ADGRA3: variants seen among roughly 807,000 people sequenced by gnomAD.
ADGRA3 encodes the protein G-protein coupled receptor 125.
ADGRA3 carries 56 observed loss-of-function variants against 119.8 expected under a neutral mutation model. The ratio of observed to expected loss-of-function variants is 0.47; its 90% CI spans 0.38 to 0.58. The LOEUF (loss-of-function observed/expected upper bound fraction) is 0.58, where lower values mean the gene tolerates loss of function less well. Ranked by LOEUF, ADGRA3 falls within the 20% of genes least tolerant of loss-of-function variation. The pLI is 0.00. For missense variants in ADGRA3, 1,516 were observed against 1,649.0 expected (o/e 0.92, Z 1.40); for synonymous variants, 607 against 623.8 (o/e 0.97, Z 0.40).
intron 1 of ADGRA3, among the ~76,000 whole-genome samples, chr4:22,496,244 C>T (rs1327522774): frequency 6.6e-6 from 1 of 152,100 alleles, no homozygotes; most frequent in African/African-American, 2.4e-5. Context: ...TGGAGTTGGG[C>T]TGACTCGGCT....
At chr4:22,465,465 G>A (rs989686025) in intron 2 of ADGRA3, among the ~76,000 whole-genome samples, 6 of 152,260 alleles carry the variant, frequency 3.9e-5, no homozygotes, top group East Asian at 1.9e-4. Context: ...AGCTGCTAAC[G>A]GCCCTGTTGC....
intron 1 of ADGRA3, chr4:22,515,317 A>T: frequency 2.2e-6 from 1 of 460,522 alleles, no homozygotes; most frequent in Non-Finnish European, 3.6e-6. Context: ...TTTGCAAACT[A>T]GTGGAGCTGG....
chr4:22,511,993 T>TCACCCAGGC (rs1719466274), intron 1 of ADGRA3, among the ~76,000 whole-genome samples: 1 of 136,746 alleles, frequency 7.3e-6, no homozygotes, highest in Non-Finnish European at 1.5e-5. Flanking sequence ...GCCTCCCGGG[T>TCACCCAGGC]TCAAGCGATT....
At chr4:22,446,947 A>G (rs1187468976) in intron 5 of ADGRA3, among the ~76,000 whole-genome samples, 1 of 152,192 alleles carries the variant, frequency 6.6e-6, no homozygotes, top group Non-Finnish European at 1.5e-5. Context: ...AAGAAACTGT[A>G]AATCAGAACT....
chr4:22,508,816 T>C (rs910715291), intron 1 of ADGRA3, among the ~76,000 whole-genome samples: 1 of 152,146 alleles, frequency 6.6e-6, no homozygotes, highest in Non-Finnish European at 1.5e-5. Context: ...CCTGCTGACT[T>C]TTCTGCAATC....
chr4:22,438,169 T>A, intron 8 of ADGRA3, 87 bp downstream of exon 8: 1 of 1,101,784 alleles, frequency 9.1e-7, no homozygotes, highest in South Asian at 1.6e-5. Context: ...ATTTTGTTAC[T>A]CAGGACAGGA....
intron 14 of ADGRA3, among the ~76,000 whole-genome samples, chr4:22,405,353 A>C (rs914257859): frequency 3.9e-5 from 6 of 152,054 alleles, no homozygotes; most frequent in Admixed American, 3.3e-4. Flanking sequence ...CAGCCTGAGC[A>C]ACACAGTGAG....
At chr4:22,433,101 A>T (rs1490044200) in intron 10 of ADGRA3, among the ~76,000 whole-genome samples, 1 of 152,162 alleles carries the variant, frequency 6.6e-6, no homozygotes, top group Non-Finnish European at 1.5e-5. Context: ...TCACTGCATC[A>T]CACGCAATAT....
intron 1 of ADGRA3, among the ~76,000 whole-genome samples, chr4:22,482,084 G>C (rs966666843): frequency 6.6e-6 from 1 of 152,006 alleles, no homozygotes; most frequent in African/African-American, 2.4e-5. Context: ...ATTCATTTTT[G>C]CAGAAAATAA....
At chr4:22,402,043 T>C (rs1447641161) in intron 15 of ADGRA3, among the ~76,000 whole-genome samples, 1 of 152,198 alleles carries the variant, frequency 6.6e-6, no homozygotes. Context: ...AAATCTCCTT[T>C]TGTTTCTTAA....
At chr4:22,483,447 A>G (rs929957049) in intron 1 of ADGRA3, among the ~76,000 whole-genome samples, 1 of 152,220 alleles carries the variant, frequency 6.6e-6, no homozygotes, top group African/African-American at 2.4e-5. Flanking sequence ...TCTCAGTCCC[A>G]GCCTTATTCC....
At chr4:22,417,879 G>A (rs1715491679) in intron 12 of ADGRA3, among the ~76,000 whole-genome samples, 1 of 152,130 alleles carries the variant, frequency 6.6e-6, no homozygotes, top group Admixed American at 6.6e-5. Context: ...TGACTAGCCT[G>A]AAAAATTCAT....
At chr4:22,414,318 A>T (rs1715343310) in intron 12 of ADGRA3, 2 of 324,616 alleles carry the variant, frequency 6.2e-6, no homozygotes, top group Non-Finnish European at 1.1e-5. Flanking sequence ...GTTTAGATTC[A>T]GTACACTTAG....
chr4:22,405,650 G>A (rs1714887968), intron 14 of ADGRA3, among the ~76,000 whole-genome samples: 1 of 151,986 alleles, frequency 6.6e-6, no homozygotes, highest in South Asian at 2.1e-4. Flanking sequence ...TGTTGAAACA[G>A]AGGGCAACAA....
intron 9 of ADGRA3, among the ~76,000 whole-genome samples, chr4:22,435,848 G>A (rs912028980): frequency 6.6e-6 from 1 of 152,156 alleles, no homozygotes; most frequent in African/African-American, 2.4e-5. Context: ...CTGCACAAGA[G>A]TACGAACTAC....
At chr4:22,468,544 A>G (rs1717744861) in intron 2 of ADGRA3, among the ~76,000 whole-genome samples, 1 of 152,090 alleles carries the variant, frequency 6.6e-6, no homozygotes, top group Non-Finnish European at 1.5e-5. Flanking sequence ...TGAGGCGGAC[A>G]GATCACTTGA....
At chr4:22,441,584 T>A (rs890561164) in intron 7 of ADGRA3, among the ~76,000 whole-genome samples, 1 of 152,188 alleles carries the variant, frequency 6.6e-6, no homozygotes, top group African/African-American at 2.4e-5. Context: ...GTTCATAGAC[T>A]GTACCTAGCC....
intron 2 of ADGRA3, among the ~76,000 whole-genome samples, chr4:22,467,929 T>C (rs1190767917): frequency 6.6e-6 from 1 of 152,148 alleles, no homozygotes; most frequent in Non-Finnish European, 1.5e-5. Flanking sequence ...AACTACCTCC[T>C]ATAGGAAAGA....
At position 22,388,651 on chromosome 4, in the gene ADGRA3, A is replaced by C; in HGVS notation, c.3020T>G (p.Val1007Gly). Residue 1007 changes from valine to glycine, a missense_variant, in exon 19 of 19, where the codon GTT becomes GGT. Val to Gly is a moderately radical substitution (Grantham distance 109). Transcript: ENST00000334304. ...LGASLTLLLY[V>G]ALWMFGALAV... The stretch of plus-strand genomic sequence containing the variant: ...CAAAGCCCCAAACATCCACAGTGCA[A>C]CATATAAGAGCAAAGTAAGGCTGGC... 1 of 1,614,098 alleles carries C rather than the reference A, an allele frequency of 6.2e-7. No individual in the cohort carries two copies. Among genetic ancestry groups the C allele is most frequent in the Non-Finnish European group, 8.5e-7 (1 of 1,180,004 alleles).
Sources: gnomAD v4.1 joint callset for allele counts (sites outside exome capture counted in the v4.1 genomes callset) on GRCh38, gnomAD v4.1.1 for gene constraint, MANE v1.5 for transcripts, NCBI Gene and HGNC (gene_info 2026-07-23, HGNC 2026-07-21) for gene names.